The following OPRM1 variants were observed in gnomAD, a reference collection of about 807,000 sequenced individuals.
The protein encoded by OPRM1 is opioid receptor mu 1, also known as mu-type opioid receptor.
In OPRM1, 27 loss-of-function variants were observed where a neutral mutation model predicts 31.8. The observed-to-expected ratio is 0.85, with a 90% CI of 0.63 to 1.17. The LOEUF is 1.17. Ranked by LOEUF, OPRM1 falls within the 50% of genes most tolerant of loss-of-function variation. OPRM1 has a pLI of 0.00. For synonymous variants in OPRM1, 196 were observed against 189.9 expected, an observed-to-expected ratio of 1.03 and a Z score of -0.26; for missense variants, 536 against 511.1, an observed-to-expected ratio of 1.05 and a Z score of -0.47.
chr6:154,226,313 T>A (rs1208266069), intron 3 of OPRM1, among the ~76,000 whole-genome samples: 1 of 152,206 alleles, frequency 6.6e-6, no homozygotes, highest in Non-Finnish European at 1.5e-5. Flanking sequence ...GATTTCCAAC[T>A]GCCTAGTAAG....
intron 1 of OPRM1, among the ~76,000 whole-genome samples, chr6:154,044,265 GAAACACATATATATATAGT>G (rs1267782554): frequency 5.9e-5 from 9 of 151,904 alleles, no homozygotes; most frequent in Admixed American, 3.9e-4. Flanking sequence ...ACTACATATG[GAAACACATATATATATAGT>G]AAACATATGG....
In OPRM1 at chr6:154,131,230, C is replaced by T. The variant is rs374071634; in HGVS notation, c.*12509C>T. Among the ~76,000 whole-genome samples, 6 of 152,042 alleles carry T rather than the reference C, an allele frequency of 3.9e-5. No homozygotes were observed. Among genetic ancestry groups the T allele is most frequent in the South Asian group, 2.1e-4 (1 of 4,808 alleles). On this transcript the variant is annotated 3_prime_UTR_variant, in exon 4 of 4. Coordinates refer to ENST00000330432, the MANE Select transcript of OPRM1 (RefSeq NM_000914.5). ...TTTTAAAAGATACATATAATGTTTC[C>T]GTAGGAAAAAAATCAAAATATTGTA...
chr6:154,093,937 A>C (rs1008081040), intron 3 of OPRM1, among the ~76,000 whole-genome samples: 3 of 152,220 alleles, frequency 2.0e-5, no homozygotes, highest in African/African-American at 7.2e-5. Flanking sequence ...GAGAAATTGG[A>C]GACTTGATGG....
chr6:154,154,383 G>A (rs1053042938), intron 3 of OPRM1: 1 of 152,162 alleles, frequency 6.6e-6, no homozygotes, highest in Admixed American at 6.5e-5. Flanking sequence ...CAATGTGCAA[G>A]TCAAATTTAG....
In OPRM1 at chr6:154,086,684, T is replaced by G. The variant is rs148337066; in HGVS notation, c.291-3142T>G. ...ATAAGCCTGAAGGAAAGGTTGGAAG[T>G]ATGATGAGTCAGAAAACTGACTGTA... On this transcript the variant is annotated intron_variant, in intron 1 of 3. Coordinates refer to ENST00000330432, the MANE Select transcript of OPRM1 (RefSeq NM_000914.5). The G allele has an allele frequency of 5.2e-5, 51 of 985,254 alleles. No homozygotes were observed. In the African/African-American group the frequency reaches 5.8e-4, roughly 11 times the overall value. 61.0% of individuals were successfully genotyped at this position (985,254 alleles called of 1,614,324 possible). A position where few individuals can be genotyped will look rare whatever the true frequency, so the allele number is the denominator to read the frequency against.
chr6:154,244,324 G>GTC (rs1780859370), intron 3 of OPRM1, among the ~76,000 whole-genome samples: 6 of 151,506 alleles, frequency 4.0e-5, no homozygotes, highest in Admixed American at 4.0e-4. Context: ...GTGTGTGTGT[G>GTC]TGTTTGTGGT....
At chr6:154,050,703 A>G (rs1782023959) in intron 1 of OPRM1, among the ~76,000 whole-genome samples, 1 of 152,200 alleles carries the variant, frequency 6.6e-6, no homozygotes, top group South Asian at 2.1e-4. Flanking sequence ...CTGAAAGCAC[A>G]AAAGGGTGAC....
chr6:154,118,646 G>T (rs763544237), intron 3 of OPRM1, 37 bp from the exon 4 acceptor site: 5 of 1,606,034 alleles, frequency 3.1e-6, no homozygotes, highest in Middle Eastern at 1.7e-4. Flanking sequence ...AACCGTATCT[G>T]AAATGTTCAC....
intron 1 of OPRM1, among the ~76,000 whole-genome samples, chr6:154,043,387 A>G (rs1780462435): frequency 6.6e-6 from 1 of 152,080 alleles, no homozygotes; most frequent in Non-Finnish European, 1.5e-5. Context: ...CTATATACTA[A>G]ATATTTGATT....
chr6:154,016,525 G>A (rs1206215254), intron 1 of OPRM1, among the ~76,000 whole-genome samples: 1 of 152,092 alleles, frequency 6.6e-6, no homozygotes, highest in African/African-American at 2.4e-5. Context: ...AAGGGGAAAA[G>A]GCAGTGAGTA....
At chr6:154,166,432 C>G (rs891178251) in intron 3 of OPRM1, among the ~76,000 whole-genome samples, 17 of 152,188 alleles carry the variant, frequency 1.1e-4, no homozygotes, top group African/African-American at 4.1e-4. Context: ...CCTGCTTCTC[C>G]CAACGTGGAA....
chr6:154,032,041 A>G (rs1314215326), intron 1 of OPRM1, among the ~76,000 whole-genome samples: 1 of 152,210 alleles, frequency 6.6e-6, no homozygotes, highest in Non-Finnish European at 1.5e-5. Context: ...TTTTGGCTAC[A>G]GTGTATAGGA....
chr6:154,039,387 G>A lies in OPRM1; in HGVS notation c.-158G>A, dbSNP rs202041918. 1 of 1,546,034 alleles carries A rather than the reference G, an allele frequency of 6.5e-7. No individual in the cohort carries two copies. Among genetic ancestry groups the A allele is most frequent in the Non-Finnish European group, 8.7e-7 (1 of 1,143,416 alleles). Reference sequence around the variant, plus strand: ...TCAGATGCTCAGCTCGGTCCCCTCCGCCTGACGCTCCTCTCTGTCTCAGCC... The same window carrying A: ...TCAGATGCTCAGCTCGGTCCCCTCCACCTGACGCTCCTCTCTGTCTCAGCC... On this transcript the variant is annotated 5_prime_UTR_variant, in exon 1 of 4. Coordinates refer to ENST00000330432, the MANE Select transcript of OPRM1 (RefSeq NM_000914.5).
At position 154,168,002 on chromosome 6, in the gene OPRM1, C is replaced by T; in HGVS notation, c.1164+76530C>T. ...TTTACACCGCTTAACAAAGGATTTTCTCAACTCCTTTTTAGTCGAAGGTCG... is the reference window on the plus strand; with the variant it reads ...TTTACACCGCTTAACAAAGGATTTTTTCAACTCCTTTTTAGTCGAAGGTCG... On this transcript the variant is annotated intron_variant, in intron 3 of 3. Coordinates refer to the OPRM1 transcript ENST00000337049. The surrounding 1 kb of genome is among the most constrained non-coding windows in gnomAD (Gnocchi z 4.1). 6.2e-7 allele frequency: 1 copy of T among 1,612,064 alleles called. No homozygotes were observed. The highest frequency in any genetic ancestry group is 8.5e-7 in the Non-Finnish European group (1 of 1,178,438).
chr6:154,244,432 T>G (rs1283902305), intron 3 of OPRM1, among the ~76,000 whole-genome samples: 2 of 152,092 alleles, frequency 1.3e-5, no homozygotes, highest in Non-Finnish European at 2.9e-5. Context: ...CCTAGCCAGA[T>G]AGCGGCAAGC....
At chr6:154,140,028 T>C (rs1798156530) in intron 3 of OPRM1, among the ~76,000 whole-genome samples, 2 of 152,172 alleles carry the variant, frequency 1.3e-5, no homozygotes, top group African/African-American at 4.8e-5. Context: ...CCCCGCCCTC[T>C]TGAGAAAACC....
chr6:154,226,633 T>C (rs1170247629), intron 3 of OPRM1, among the ~76,000 whole-genome samples: 1 of 152,188 alleles, frequency 6.6e-6, no homozygotes, highest in Non-Finnish European at 1.5e-5. Context: ...TCCTCAACTG[T>C]TCTCCTTCTC....
rs890200272 is a variant in OPRM1 at position 154,124,103 on chromosome 6, G to A, written c.*5382G>A. On this transcript the variant is annotated 3_prime_UTR_variant, in exon 4 of 4. Coordinates refer to ENST00000330432, the MANE Select transcript of OPRM1 (RefSeq NM_000914.5). Reference sequence around the variant, plus strand: ...CCATTGACACTGAGATTTTAAGGGAGGAAAAACAGATTGACAGTGGACTAA... The same window carrying A: ...CCATTGACACTGAGATTTTAAGGGAAGAAAAACAGATTGACAGTGGACTAA... Among the ~76,000 whole-genome samples the A allele has an allele frequency of 7.2e-5, 11 of 152,072 alleles. No individual in the cohort carries two copies. Among genetic ancestry groups the A allele is most frequent in the African/African-American group, 2.7e-4 (11 of 41,394 alleles).
chr6:154,104,470 C>T lies in OPRM1; in HGVS notation c.1164+12998C>T, dbSNP rs368566591. On this transcript the variant is annotated intron_variant, in intron 3 of 3. Transcript: ENST00000330432. Reference sequence around the variant, plus strand: ...TTGTAATGTGCCCAGAATTAGAATACTCATTTAGATTTTTACATTACCCAT... The same window carrying T: ...TTGTAATGTGCCCAGAATTAGAATATTCATTTAGATTTTTACATTACCCAT... Among the ~76,000 whole-genome samples, 6 of 152,132 alleles carry T rather than the reference C, an allele frequency of 3.9e-5. No individual in the cohort carries two copies. In the East Asian group the frequency reaches 9.6e-4, roughly 24 times the overall value.
Sources: allele counts gnomAD v4.1 joint callset (sites outside exome capture counted in the v4.1 genomes callset), GRCh38; gene constraint gnomAD v4.1.1; non-coding constraint Gnocchi (gnomAD v3.1); transcripts MANE v1.5; gene names NCBI Gene and HGNC (gene_info 2026-07-23, HGNC 2026-07-21).